Variants in LRRIQ1 observed in about 807,000 individuals in gnomAD.
LRRIQ1 encodes the protein leucine-rich repeat- and IQ domain-containing protein 1.
Under a neutral mutation model 211.9 loss-of-function variants are expected in LRRIQ1, and 210 were observed. That is an observed-to-expected ratio of 0.99 (90% CI 0.89 to 1.11). LRRIQ1 has a LOEUF of 1.11. Among genes scored for constraint, LRRIQ1 ranks in the 50% most tolerant of loss-of-function variants. The probability of loss-of-function intolerance (pLI) is 0.00; values close to 1 mark genes in which losing one functional copy is unlikely to be tolerated. For synonymous variants in LRRIQ1, 699 were observed against 650.1 expected, an observed-to-expected ratio of 1.08 and a Z score of -1.14; for missense variants, 2,136 against 1,939.5, an observed-to-expected ratio of 1.10 and a Z score of -1.90.
chr12:85,111,981 A>G (rs1378773495), intron 15 of LRRIQ1, among the ~76,000 whole-genome samples: 1 of 150,532 alleles, frequency 6.6e-6, no homozygotes, highest in Non-Finnish European at 1.5e-5. Context: ...CTCTCTCTCA[A>G]TTCTTTCATT....
chr12:85,200,693 T>G (rs1437165270), intron 24 of LRRIQ1, among the ~76,000 whole-genome samples: 1 of 152,202 alleles, frequency 6.6e-6, no homozygotes, highest in Non-Finnish European at 1.5e-5. Flanking sequence ...CTGCATCTAT[T>G]GAGAATTCTT....
At chr12:85,201,586 T>A (rs1023096073) in intron 24 of LRRIQ1, among the ~76,000 whole-genome samples, 2 of 152,146 alleles carry the variant, frequency 1.3e-5, no homozygotes, top group African/African-American at 4.8e-5. Flanking sequence ...GAGGTGTTCA[T>A]AGTAGTCTCT....
chr12:85,212,787 T>TAG (rs372060277), intron 24 of LRRIQ1, among the ~76,000 whole-genome samples: 3 of 148,208 alleles, frequency 2.0e-5, no homozygotes, highest in Non-Finnish European at 3.0e-5. Flanking sequence ...TATATATATA[T>TAG]AGAGAGAGAG....
rs202126520 is a variant in LRRIQ1, at chr12:85,244,789, G to A, written c.5017G>A (p.Ala1673Thr). The A allele has an allele frequency of 1.5e-5, 24 of 1,610,614 alleles. No homozygotes were observed. The highest frequency in any genetic ancestry group is 2.0e-5 in the Non-Finnish European group (24 of 1,177,786). The change falls in exon 27 of 27, where the codon GCA becomes ACA. Residue 1673 changes from alanine to threonine, a missense_variant and splice_region_variant. Physicochemically the swap from Ala to Thr is moderately conservative, Grantham distance 58. Coordinates refer to ENST00000393217, the MANE Select transcript of LRRIQ1 (RefSeq NM_001079910.2). ...ATACATTCTCTTCCATTGCTCCCAG[G>A]CAAGACTTGTAAGCAGAGAAGACAC... ...VLNGGRVQLV[A>T]RLVSREDTDL...
chr12:85,198,408 A>G (rs914098712), intron 24 of LRRIQ1, among the ~76,000 whole-genome samples: 10 of 151,670 alleles, frequency 6.6e-5, no homozygotes, highest in Admixed American at 6.0e-4. Context: ...ATGGCTGAAC[A>G]AATTTATATC....
In LRRIQ1 at chr12:85,121,167, T is replaced by A. The variant is rs141776487; in HGVS notation, c.3378-530T>A. 2.9e-3 allele frequency among the ~76,000 whole-genome samples: 445 copies of A among 152,174 alleles called. 4 individuals carry two copies. The highest frequency in any genetic ancestry group is 0.01 in the African/African-American group (427 of 41,516). ...TGCAAATACCTTGAAGATTTTTACC[T>A]TTATAATCCTTAGCAAGATTCAGGA... On this transcript the variant is annotated intron_variant, in intron 15 of 26. Coordinates refer to ENST00000393217, the MANE Select transcript of LRRIQ1 (RefSeq NM_001079910.2).
chr12:85,220,770 A>G (rs1203807457), intron 24 of LRRIQ1, among the ~76,000 whole-genome samples: 2 of 149,104 alleles, frequency 1.3e-5, no homozygotes, highest in African/African-American at 4.9e-5. Flanking sequence ...CATTAGGTAT[A>G]TCTCCTAATG....
At chr12:85,037,930 A>G (rs1555193383) in intron 1 of LRRIQ1, among the ~76,000 whole-genome samples, 2 of 151,920 alleles carry the variant, frequency 1.3e-5, no homozygotes, top group Non-Finnish European at 2.9e-5. Flanking sequence ...ATAAACATAT[A>G]AATCAATAAG....
At chr12:85,226,625 C>T in intron 24 of LRRIQ1, among the ~76,000 whole-genome samples, 1 of 149,036 alleles carries the variant, frequency 6.7e-6, no homozygotes, top group Non-Finnish European at 1.5e-5. Flanking sequence ...TGGTGTGCTG[C>T]ACCCATTAAC....
intron 10 of LRRIQ1, among the ~76,000 whole-genome samples, chr12:85,071,664 A>G (rs1883094921): frequency 6.6e-6 from 1 of 152,092 alleles, no homozygotes; most frequent in Non-Finnish European, 1.5e-5. Context: ...TGATTTATAA[A>G]GGAAAGAGGT....
intron 11 of LRRIQ1, among the ~76,000 whole-genome samples, chr12:85,080,696 TTTGCA>T (rs1884190556): frequency 6.6e-6 from 1 of 151,382 alleles, no homozygotes; most frequent in Admixed American, 6.6e-5. Flanking sequence ...TGACATTCAA[TTTGCA>T]TTTTTATAGT....
chr12:85,105,500 G>A (rs1008684753), intron 14 of LRRIQ1, among the ~76,000 whole-genome samples: 7 of 151,658 alleles, frequency 4.6e-5, no homozygotes. Flanking sequence ...TTTACATTTT[G>A]TTTTCTTTGG....
intron 13 of LRRIQ1, among the ~76,000 whole-genome samples, chr12:85,102,983 TATA>T (rs1886500462): frequency 2.1e-5 from 3 of 142,702 alleles, no homozygotes; most frequent in African/African-American, 7.7e-5. Flanking sequence ...TATATATATA[TATA>T]TTTTACTAAG....
At chr12:85,070,502 C>T (rs563489300) in intron 10 of LRRIQ1, among the ~76,000 whole-genome samples, 38 of 152,036 alleles carry the variant, frequency 2.5e-4, no homozygotes, top group African/African-American at 8.9e-4. Context: ...TAAATGCTTA[C>T]TATTGTATGG....
At chr12:85,045,168 G>T (rs2135908776) in intron 4 of LRRIQ1, among the ~76,000 whole-genome samples, 1 of 151,928 alleles carries the variant, frequency 6.6e-6, no homozygotes, top group South Asian at 2.1e-4. Context: ...CTATGTTCCT[G>T]CAGAGACGTT....
chr12:85,208,682 T>A (rs1029842065), intron 24 of LRRIQ1, among the ~76,000 whole-genome samples: 1 of 152,140 alleles, frequency 6.6e-6, no homozygotes, highest in Admixed American at 6.5e-5. Flanking sequence ...AAAACTATTA[T>A]TGATATTACA....
chr12:85,163,697 ATC>A (rs1891013849), intron 24 of LRRIQ1, among the ~76,000 whole-genome samples: 1 of 152,138 alleles, frequency 6.6e-6, no homozygotes. Context: ...TGGTAGATAT[ATC>A]TCTGTTGGTC....
chr12:85,137,211 A>G (rs1025474537), intron 18 of LRRIQ1, among the ~76,000 whole-genome samples: 4 of 151,342 alleles, frequency 2.6e-5, no homozygotes, highest in African/African-American at 4.8e-5. Flanking sequence ...TTTACACAGT[A>G]TATTCTGAAG....
Position 85,172,487 on chromosome 12 carries a change from A to G in LRRIQ1, c.4822+11773A>G, listed in dbSNP as rs146684252. Among the ~76,000 whole-genome samples the G allele has an allele frequency of 5.3e-3, 804 of 152,272 alleles. 5 individuals carry two copies. The highest frequency in any genetic ancestry group is 0.018 in the African/African-American group (766 of 41,554). On this transcript the variant is annotated intron_variant, in intron 24 of 26. Coordinates refer to ENST00000393217, the MANE Select transcript of LRRIQ1 (RefSeq NM_001079910.2). ...AATACTCCATGTCCTGTTTTTCTCA[A>G]TTGCAAAATCAGAATACTAGCCTTT...
Sources: gnomAD v4.1 joint callset for allele counts (sites outside exome capture counted in the v4.1 genomes callset) on GRCh38, gnomAD v4.1.1 for gene constraint, MANE v1.5 for transcripts, NCBI Gene and HGNC (gene_info 2026-07-23, HGNC 2026-07-21) for gene names.